Variants in TRPM6 observed in about 807,000 individuals in gnomAD.
TRPM6 encodes the protein channel kinase 2.
A neutral mutation model predicts 247.6 loss-of-function variants in TRPM6; 111 were observed. The observed-to-expected ratio is 0.45, with a 90% CI of 0.38 to 0.52. TRPM6 has a LOEUF of 0.52. Ranked by LOEUF, TRPM6 falls within the 20% of genes least tolerant of loss-of-function variation. The probability of loss-of-function intolerance (pLI) is 0.00; values close to 1 mark genes in which losing one functional copy is unlikely to be tolerated. For missense variants in TRPM6, 2,126 were observed against 2,421.5 expected (o/e 0.88, Z 2.56); for synonymous variants, 892 against 853.8 (o/e 1.04, Z -0.78).
chr9:74,786,450 A>G (rs955588499), intron 20 of TRPM6, among the ~76,000 whole-genome samples: 2 of 152,186 alleles, frequency 1.3e-5, no homozygotes, highest in African/African-American at 4.8e-5. Flanking sequence ...TTAAAACTCA[A>G]TACTGCAGGC....
At chr9:74,853,123 A>G (rs1830404209) in intron 3 of TRPM6, among the ~76,000 whole-genome samples, 2 of 147,008 alleles carry the variant, frequency 1.4e-5, no homozygotes, top group South Asian at 2.2e-4. Flanking sequence ...GGAACTGAGG[A>G]GTGTCTCTGC....
intron 3 of TRPM6, among the ~76,000 whole-genome samples, chr9:74,853,733 G>A (rs1041825361): frequency 2.0e-5 from 3 of 151,840 alleles, no homozygotes; most frequent in African/African-American, 2.4e-5. Flanking sequence ...AAGGCCGCAG[G>A]GTCCTCTGCC....
chr9:74,825,464 T>C (rs1421492682), intron 7 of TRPM6, among the ~76,000 whole-genome samples: 3 of 149,202 alleles, frequency 2.0e-5, no homozygotes, highest in Non-Finnish European at 4.5e-5. Context: ...CTTCCGTGTG[T>C]GTGTGTGTGT....
In TRPM6 at chr9:74,762,803, G is replaced by A. The variant is rs766300266; in HGVS notation, c.3868C>T (p.Arg1290Trp). 9.9e-6 allele frequency: 16 copies of A among 1,614,072 alleles called. No homozygotes were observed. Among genetic ancestry groups the A allele is most frequent in the East Asian group, 8.9e-5 (4 of 44,882 alleles). Residue 1290 changes from arginine to tryptophan, a missense_variant, in exon 26 of 39, where the codon CGG becomes TGG. This residue lies in a region of TRPM6 where 717 missense variants were observed against 715.9 expected (regional missense o/e 1.00). Coordinates refer to ENST00000360774, the MANE Select transcript of TRPM6 (RefSeq NM_017662.5). ...SSLLRSLAGG[R>W]HPPRVQRGAL... ...CCCCTCTGCACTCTTGGGGGATGCC[G>A]GCCTCCAGCCAGGCTCCTCAGCAAA...
At chr9:74,725,359 T>C (rs148420405) in intron 38 of TRPM6, among the ~76,000 whole-genome samples, 2 of 152,158 alleles carry the variant, frequency 1.3e-5, no homozygotes, top group Non-Finnish European at 1.5e-5. Context: ...GCCTAGAACA[T>C]GTATTTCTTA....
chr9:74,884,071 C>A (rs568157182), intron 1 of TRPM6, among the ~76,000 whole-genome samples: 3 of 152,234 alleles, frequency 2.0e-5, no homozygotes, highest in Middle Eastern at 3.4e-3. Flanking sequence ...ATCGCTTGAA[C>A]CTGGGACGCA....
At chr9:74,853,157 G>C (rs1464624728) in intron 3 of TRPM6, among the ~76,000 whole-genome samples, 1 of 152,024 alleles carries the variant, frequency 6.6e-6, no homozygotes, top group East Asian at 1.9e-4. Context: ...CATCTGGGAG[G>C]TGAGCAGCGT....
At chr9:74,731,200 G>T (rs1825507208) in intron 37 of TRPM6, among the ~76,000 whole-genome samples, 1 of 152,188 alleles carries the variant, frequency 6.6e-6, no homozygotes, top group Non-Finnish European at 1.5e-5. Context: ...GTCATATTAA[G>T]TGACATATGC....
At chr9:74,823,004 T>C (rs1829186284) in intron 7 of TRPM6, among the ~76,000 whole-genome samples, 1 of 152,228 alleles carries the variant, frequency 6.6e-6, no homozygotes, top group Admixed American at 6.5e-5. Flanking sequence ...AGGGACCTTG[T>C]CTATTTATTC....
Position 74,785,998 on chromosome 9 carries a change from G to A in TRPM6, c.2795C>T (p.Pro932Leu). The change falls in exon 21 of 39, where the codon CCT (proline) becomes CTT (leucine). Residue 932 changes from proline to leucine, a missense_variant. Pro to Leu is a moderately conservative substitution (Grantham distance 98). Around this residue, in one of 3 missense-constraint regions of TRPM6, gnomAD observed 1,082 missense variants for 1,307.9 expected, o/e 0.83. Coordinates refer to ENST00000360774, the MANE Select transcript of TRPM6 (RefSeq NM_017662.5). The part of the protein sequence containing the change: ...SAGFVLRWGD[P>L]PFHTAGRLIY... ...CAGTCTTCCCGCTGTGTGAAAAGGA[G>A]GGTCACCCCATCGAAGGACGAAGCC... 1.9e-6 allele frequency: 3 copies of A among 1,614,182 alleles called. No individual in the cohort carries two copies. Among genetic ancestry groups the A allele is most frequent in the Non-Finnish European group, 2.5e-6 (3 of 1,180,046 alleles).
intron 36 of TRPM6, among the ~76,000 whole-genome samples, chr9:74,733,594 T>C (rs766778319): frequency 6.6e-6 from 1 of 152,252 alleles, no homozygotes; most frequent in Non-Finnish European, 1.5e-5. Flanking sequence ...ATGAGTACAC[T>C]GATGTTCAAA....
At chr9:74,781,536 C>CAAAAAAAAAAAAAAAAA (rs35938872) in intron 23 of TRPM6, among the ~76,000 whole-genome samples, 1 of 93,532 alleles carries the variant, frequency 1.1e-5, no homozygotes, top group Non-Finnish European at 2.0e-5. Flanking sequence ...GACTCTATCT[C>CAAAAAAAAAAAAAAAAA]AAAAAAAAAA....
At chr9:74,756,279 TTGCTTC>T (rs1012045637) in intron 27 of TRPM6, among the ~76,000 whole-genome samples, 1 of 152,060 alleles carries the variant, frequency 6.6e-6, no homozygotes, top group African/African-American at 2.4e-5. Flanking sequence ...ACTAATCTCT[TTGCTTC>T]TGCTTCTCAT....
intron 5 of TRPM6, among the ~76,000 whole-genome samples, chr9:74,836,398 T>G (rs1160343556): frequency 6.6e-6 from 1 of 152,146 alleles, no homozygotes; most frequent in African/African-American, 2.4e-5. Flanking sequence ...AATCACTTCC[T>G]CATTCCTGGC....
intron 3 of TRPM6, among the ~76,000 whole-genome samples, chr9:74,843,547 G>A (rs1046781440): frequency 5.3e-5 from 8 of 151,966 alleles, no homozygotes; most frequent in Non-Finnish European, 8.8e-5. Flanking sequence ...GGTGGCTCAC[G>A]CCTGTAATCC....
chr9:74,736,712 T>C lies in TRPM6; in HGVS notation c.5776+1695A>G, dbSNP rs147764967. ...TTTCCTTCTTTGAAGGTCAATGTTT[T>C]GACATCGTTTATTTGGAGCGGCCTA... On this transcript the variant is annotated intron_variant, in intron 36 of 38. Coordinates refer to ENST00000360774, the MANE Select transcript of TRPM6 (RefSeq NM_017662.5). Among the ~76,000 whole-genome samples, 336 of 152,366 alleles carry C rather than the reference T, an allele frequency of 2.2e-3. 1 individual carries two copies. Among genetic ancestry groups the C allele is most frequent in the African/African-American group, 7.5e-3 (314 of 41,596 alleles).
chr9:74,750,729 A>C lies in TRPM6; in HGVS notation c.4999-7T>G. 6.2e-7 allele frequency: 1 copy of C among 1,613,908 alleles called. No individual in the cohort carries two copies. Among genetic ancestry groups the C allele is most frequent in the South Asian group, 1.1e-5 (1 of 91,082 alleles). The stretch of plus-strand genomic sequence containing the variant: ...AAGAGTTTTTGCTGAGATCCTGAGC[A>C]GAAGGGAAAGGCCGTTACGTGTGTG... On this transcript the variant is annotated splice_polypyrimidine_tract_variant and splice_region_variant and intron_variant, in intron 29 of 38. Coordinates refer to ENST00000360774, the MANE Select transcript of TRPM6 (RefSeq NM_017662.5).
chr9:74,833,829 G>T (rs1829623139), intron 6 of TRPM6, among the ~76,000 whole-genome samples, 169 bp downstream of exon 6: 1 of 152,196 alleles, frequency 6.6e-6, no homozygotes, highest in African/African-American at 2.4e-5. Context: ...CTGCAAGGGT[G>T]GGACTGTCAT....
chr9:74,802,297 A>C (rs933376427), intron 15 of TRPM6, 122 bp from the exon 16 acceptor site: 3 of 912,056 alleles, frequency 3.3e-6, no homozygotes, highest in Non-Finnish European at 5.0e-6. Flanking sequence ...AGATGGAAAT[A>C]ATAATAAGAT....
Sources: allele counts gnomAD v4.1 joint callset (sites outside exome capture counted in the v4.1 genomes callset), GRCh38; gene constraint gnomAD v4.1.1; regional missense constraint gnomAD v4.1.1; transcripts MANE v1.5; gene names NCBI Gene and HGNC (gene_info 2026-07-23, HGNC 2026-07-21).